The following SLC30A7 variants were observed in gnomAD, a reference collection of about 807,000 sequenced individuals.
The protein encoded by SLC30A7 is solute carrier family 30 member 7, also known as zinc transporter 7.
SLC30A7 carries 35 observed loss-of-function variants against 46.0 expected under a neutral mutation model. That is an observed-to-expected ratio of 0.76 (90% CI 0.58 to 1.01). The LOEUF (loss-of-function observed/expected upper bound fraction) is 1.01, where lower values mean the gene tolerates loss of function less well. Ranked by LOEUF, SLC30A7 falls within the 50% of genes least tolerant of loss-of-function variation. The pLI is 0.00. For synonymous variants in SLC30A7, 147 were observed against 157.8 expected (o/e 0.93, Z 0.51); for missense variants, 464 against 451.1 (o/e 1.03, Z -0.26).
intron 3 of SLC30A7, 123 bp from the exon 4 acceptor site, chr1:100,910,940 A>G (rs1652046267): frequency 4.4e-6 from 3 of 679,794 alleles, no homozygotes; most frequent in African/African-American, 3.6e-5. Flanking sequence ...TATAAACACT[A>G]GGGCTTCGCT....
chr1:100,970,701 G>T, intron 10 of SLC30A7, among the ~76,000 whole-genome samples: 1 of 149,172 alleles, frequency 6.7e-6, no homozygotes, highest in African/African-American at 2.5e-5. Context: ...AAAAAAAATG[G>T]GATACTAGAT....
chr1:100,970,743 T>C (rs777358346), intron 10 of SLC30A7, among the ~76,000 whole-genome samples: 2 of 151,276 alleles, frequency 1.3e-5, no homozygotes, highest in Non-Finnish European at 2.9e-5. Context: ...ATGTTTTAAA[T>C]TGGCCAATAG....
intron 9 of SLC30A7, among the ~76,000 whole-genome samples, chr1:100,964,376 CAT>C (rs150122613): frequency 0.034 from 3,790 of 112,012 alleles, 132 homozygotes; most frequent in African/African-American, 0.11. Context: ...GTATATATAA[CAT>C]ATGTTATATA....
chr1:100,908,614 A>G (rs1329279152), intron 3 of SLC30A7, among the ~76,000 whole-genome samples: 1 of 152,198 alleles, frequency 6.6e-6, no homozygotes, highest in African/African-American at 2.4e-5. Flanking sequence ...AAATTCAAAC[A>G]GCTTGACAGC....
At chr1:100,910,097 A>C (rs1160545427) in intron 3 of SLC30A7, among the ~76,000 whole-genome samples, 3 of 152,140 alleles carry the variant, frequency 2.0e-5, no homozygotes, top group African/African-American at 7.2e-5. Flanking sequence ...CTCCAACATA[A>C]CTTGATAGAG....
intron 8 of SLC30A7, among the ~76,000 whole-genome samples, chr1:100,955,370 ATAT>A (rs1655169676): frequency 1.3e-5 from 2 of 152,084 alleles, no homozygotes; most frequent in Non-Finnish European, 2.9e-5. Context: ...TTTCAAATTA[ATAT>A]TATGTTTATG....
At chr1:100,922,193 T>G (rs1652980016) in intron 8 of SLC30A7, among the ~76,000 whole-genome samples, 1 of 152,100 alleles carries the variant, frequency 6.6e-6, no homozygotes, top group African/African-American at 2.4e-5. Flanking sequence ...CTCAAACTCT[T>G]GACCTCAGGT....
intron 8 of SLC30A7, among the ~76,000 whole-genome samples, chr1:100,950,869 G>A (rs534114847): frequency 1.3e-5 from 2 of 152,294 alleles, no homozygotes; most frequent in South Asian, 4.1e-4. Flanking sequence ...TCTGGGAGGT[G>A]ATCCTAACAA....
chr1:100,936,698 C>A (rs970219997), intron 8 of SLC30A7, among the ~76,000 whole-genome samples: 4 of 152,170 alleles, frequency 2.6e-5, no homozygotes, highest in Admixed American at 6.5e-5. Context: ...CCACAGAACT[C>A]TTTTCATGTT....
the SLC30A7 span, among the ~76,000 whole-genome samples, chr1:100,994,683 C>T: frequency 1.3e-5 from 2 of 152,118 alleles, no homozygotes; most frequent in Non-Finnish European, 2.9e-5. Context: ...CGTGCCACCA[C>T]ACCCAGCTAA....
At chr1:100,988,889 AAAG>A in the SLC30A7 span, among the ~76,000 whole-genome samples, 131 of 152,024 alleles carry the variant, frequency 8.6e-4, 1 homozygote, top group Middle Eastern at 0.014. Flanking sequence ...AATAAAGAAA[AAAG>A]AGATGTTTCA....
chr1:100,984,379 G>C (rs1657150855), downstream of SLC30A7, among the ~76,000 whole-genome samples: 2 of 152,200 alleles, frequency 1.3e-5, no homozygotes, highest in Admixed American at 1.3e-4. Flanking sequence ...GAAGTGGAGA[G>C]ATTATGGAGT....
chr1:100,990,309 G>A, the SLC30A7 span: 5 of 1,098,690 alleles, frequency 4.6e-6, no homozygotes, highest in African/African-American at 3.1e-5. Flanking sequence ...GGAATTATGA[G>A]GATTAAAATT....
chr1:100,912,063 C>T, intron 4 of SLC30A7, 49 bp from the exon 5 acceptor site: 1 of 1,523,482 alleles, frequency 6.6e-7, no homozygotes, highest in African/African-American at 1.4e-5. Flanking sequence ...GTTAGTTGAT[C>T]AATCAGAAAT....
At position 100,903,413 on chromosome 1, in the gene SLC30A7, G is replaced by A. The variant is rs77796451; in HGVS notation, c.183-3439G>A. ...ATTTTCCATGTTACATAGATGTTATGGTTCAAGTGTGTAATTTTCGGTAAT... is the reference window on the plus strand; with the variant it reads ...ATTTTCCATGTTACATAGATGTTATAGTTCAAGTGTGTAATTTTCGGTAAT... On this transcript the variant is annotated intron_variant, in intron 2 of 10. Coordinates refer to ENST00000357650, the MANE Select transcript of SLC30A7 (RefSeq NM_133496.5). 9.6e-3 allele frequency among the ~76,000 whole-genome samples: 1,463 copies of A among 152,054 alleles called. 17 individuals carry two copies. Among genetic ancestry groups the A allele is most frequent in the South Asian group, 0.064 (309 of 4,812 alleles).
intron 4 of SLC30A7, 68 bp downstream of exon 4, chr1:100,911,218 T>C (rs1036789697): frequency 1.0e-5 from 11 of 1,097,330 alleles, no homozygotes; most frequent in South Asian, 1.5e-5. Flanking sequence ...TAATTAAAGA[T>C]ATATGTAAGT....
chr1:100,936,276 A>T (rs1653961074), intron 8 of SLC30A7, among the ~76,000 whole-genome samples: 1 of 152,168 alleles, frequency 6.6e-6, no homozygotes, highest in African/African-American at 2.4e-5. Flanking sequence ...CAGTTTTGGA[A>T]TGAGTACCTA....
intron 8 of SLC30A7, among the ~76,000 whole-genome samples, chr1:100,954,424 A>G (rs1025181960): frequency 5.3e-5 from 8 of 152,186 alleles, no homozygotes; most frequent in Non-Finnish European, 7.4e-5. Flanking sequence ...TTATGAAAGC[A>G]TTTTAAAAAC....
intron 8 of SLC30A7, among the ~76,000 whole-genome samples, chr1:100,957,130 G>A (rs1655266885): frequency 6.6e-6 from 1 of 152,132 alleles, no homozygotes; most frequent in Admixed American, 6.5e-5. Flanking sequence ...GACCTGATCT[G>A]TTCTAGTTCT....
Sources: allele counts gnomAD v4.1 joint callset (sites outside exome capture counted in the v4.1 genomes callset), GRCh38; gene constraint gnomAD v4.1.1; transcripts MANE v1.5; gene names NCBI Gene and HGNC (gene_info 2026-07-23, HGNC 2026-07-21).